Variants in CFAP92 observed in about 807,000 individuals in gnomAD.
CFAP92 encodes cilia and flagella associated protein 92 (putative), also known as uncharacterized protein CFAP92.
In CFAP92, 86 loss-of-function variants were observed where a neutral mutation model predicts 106.3. The ratio of observed to expected loss-of-function variants is 0.81; its 90% CI spans 0.68 to 0.97. The LOEUF (loss-of-function observed/expected upper bound fraction) is 0.97. Ranked by LOEUF, CFAP92 falls within the 50% of genes least tolerant of loss-of-function variation. CFAP92 has a pLI of 0.00. For missense variants in CFAP92, 1,204 were observed against 1,283.8 expected, an observed-to-expected ratio of 0.94 and a Z score of 0.95; for synonymous variants, 477 against 506.4, an observed-to-expected ratio of 0.94 and a Z score of 0.78.
At chr3:128,956,207 T>G (rs13324858) in intron 9 of CFAP92, among the ~76,000 whole-genome samples, 1 of 53,220 alleles carries the variant, frequency 1.9e-5, no homozygotes, top group Non-Finnish European at 3.3e-5. Context: ...AAAAAAAAAA[T>G]AAAAAAATAA....
chr3:128,916,347 G>C (rs569753980), intron 12 of CFAP92, 76 bp from the exon 13 acceptor site: 14 of 973,500 alleles, frequency 1.4e-5, no homozygotes, highest in African/African-American at 1.7e-5. Flanking sequence ...GCAGTGAGAT[G>C]ATCTCTGGGA....
intron 2 of CFAP92, chr3:128,991,860 A>C: frequency 1.0e-6 from 1 of 987,734 alleles, no homozygotes; most frequent in South Asian, 4.5e-5. Context: ...TGAAAACAAA[A>C]CAAAGCAAGG....
chr3:128,978,849 A>C lies in CFAP92; in HGVS notation c.668-664T>G, dbSNP rs1464726197. ...AAATGTTACACCTAAAACCATAAAA[A>C]CCCTAGAAGAAAACCTAGGCATTAC... On this transcript the variant is annotated intron_variant, in intron 4 of 15. Coordinates refer to ENST00000645291, the MANE Select transcript of CFAP92 (RefSeq NM_001394090.1). 2.0e-5 allele frequency among the ~76,000 whole-genome samples: 3 copies of C among 152,202 alleles called. No homozygotes were observed. In the East Asian group the frequency reaches 5.8e-4, roughly 29 times the overall value.
chr3:128,921,388 GCTT>G (rs1170863130), intron 12 of CFAP92, among the ~76,000 whole-genome samples: 1 of 152,198 alleles, frequency 6.6e-6, no homozygotes. Flanking sequence ...TTTTAATACA[GCTT>G]CTTACATACA....
chr3:129,003,417 G>A (rs1267815190), upstream of CFAP92: 1 of 431,074 alleles, frequency 2.3e-6, no homozygotes, highest in African/African-American at 2.2e-5. Flanking sequence ...AATGCCACTG[G>A]GGGGAGTCTA....
intron 15 of CFAP92, chr3:128,912,702 A>G (rs756903759): frequency 8.6e-7 from 1 of 1,167,322 alleles, no homozygotes; most frequent in Admixed American, 1.7e-5. Flanking sequence ...TGGGATTATC[A>G]CAGGTTAAGC....
intron 10 of CFAP92, among the ~76,000 whole-genome samples, 174 bp from the exon 11 acceptor site, chr3:128,935,493 C>T (rs1023990997): frequency 6.6e-6 from 1 of 152,156 alleles, no homozygotes; most frequent in African/African-American, 2.4e-5. Context: ...GGGCAGATCA[C>T]ATGAGGTCGG....
At chr3:128,979,818 G>A (rs1269153793) in intron 4 of CFAP92, among the ~76,000 whole-genome samples, 2 of 151,774 alleles carry the variant, frequency 1.3e-5, no homozygotes, top group Admixed American at 6.6e-5. Context: ...GAAGGGGGAC[G>A]GATAGCATTA....
At chr3:128,997,291 C>A (rs1160814117), upstream of CFAP92, among the ~76,000 whole-genome samples, 1 of 152,200 alleles carries the variant, frequency 6.6e-6, no homozygotes, top group African/African-American at 2.4e-5. Flanking sequence ...CTTCTTGCCC[C>A]TTCCCCATTT....
intron 15 of CFAP92, chr3:128,910,602 C>A: frequency 1.1e-6 from 1 of 948,920 alleles, no homozygotes; most frequent in Non-Finnish European, 1.7e-6. Context: ...GGAATTAGAA[C>A]CCAAGACGGG....
chr3:128,996,283 T>C (rs1944477951), upstream of CFAP92, among the ~76,000 whole-genome samples: 1 of 152,178 alleles, frequency 6.6e-6, no homozygotes, highest in Non-Finnish European at 1.5e-5. Context: ...AAACAAGCTG[T>C]CTCCATCATG....
At chr3:128,938,159 G>A in intron 10 of CFAP92, among the ~76,000 whole-genome samples, 1 of 151,912 alleles carries the variant, frequency 6.6e-6, no homozygotes, top group East Asian at 1.9e-4. Flanking sequence ...TTGAGGTGGG[G>A]GGGTCAAGGC....
chr3:128,971,581 G>T, intron 7 of CFAP92, 148 bp from the exon 8 acceptor site: 1 of 672,228 alleles, frequency 1.5e-6, no homozygotes, highest in Non-Finnish European at 2.5e-6. Flanking sequence ...CCTCTTCCCA[G>T]CAACCAGAAG....
chr3:129,021,427 C>T, the CFAP92 span, among the ~76,000 whole-genome samples: 3 of 152,260 alleles, frequency 2.0e-5, no homozygotes, highest in African/African-American at 7.2e-5. Flanking sequence ...GGTGCTTAAG[C>T]TGCTGGCAGG....
At chr3:128,920,876 G>A (rs542233406) in intron 12 of CFAP92, among the ~76,000 whole-genome samples, 22 of 152,328 alleles carry the variant, frequency 1.4e-4, no homozygotes, top group South Asian at 2.1e-4. Flanking sequence ...CTCATAGATC[G>A]ATTGTGTCTT....
chr3:128,928,047 T>C (rs917328948), intron 12 of CFAP92, among the ~76,000 whole-genome samples: 16 of 152,188 alleles, frequency 1.1e-4, no homozygotes, highest in African/African-American at 3.9e-4. Flanking sequence ...GGTCAAGAGA[T>C]TGACCCCATC....
At chr3:128,926,352 A>C (rs1378259388) in intron 12 of CFAP92, among the ~76,000 whole-genome samples, 1 of 152,110 alleles carries the variant, frequency 6.6e-6, no homozygotes, top group Admixed American at 6.5e-5. Context: ...CCCTGTCTCT[A>C]AAAATACAAA....
intron 15 of CFAP92, among the ~76,000 whole-genome samples, chr3:128,911,394 C>T (rs1024648615): frequency 1.3e-5 from 2 of 152,044 alleles, no homozygotes; most frequent in African/African-American, 4.8e-5. Flanking sequence ...GTGCAGAGCC[C>T]TTTGCGCAGG....
chr3:129,004,888 G>T (rs117386747), upstream of CFAP92, among the ~76,000 whole-genome samples: 1 of 152,142 alleles, frequency 6.6e-6, no homozygotes, highest in Admixed American at 6.5e-5. Context: ...TTTGGCAGAC[G>T]TGTGAGTGTG....
Sources: allele counts gnomAD v4.1 joint callset (sites outside exome capture counted in the v4.1 genomes callset), GRCh38; gene constraint gnomAD v4.1.1; transcripts MANE v1.5; gene names NCBI Gene and HGNC (gene_info 2026-07-23, HGNC 2026-07-21).